MARCHF10: variants seen among roughly 807,000 people sequenced by gnomAD.
The protein encoded by MARCHF10 is membrane associated ring-CH-type finger 10, also known as probable E3 ubiquitin-protein ligase MARCHF10.
Under a neutral mutation model 76.2 loss-of-function variants are expected in MARCHF10, and 64 were observed. That is an observed-to-expected ratio of 0.84 (90% CI 0.69 to 1.03). The LOEUF (loss-of-function observed/expected upper bound fraction) is 1.03. Among genes scored for constraint, MARCHF10 ranks in the 50% least tolerant of loss-of-function variants. The probability of loss-of-function intolerance (pLI) is 0.00; values close to 1 mark genes in which losing one functional copy is unlikely to be tolerated. For missense variants in MARCHF10, 875 were observed against 958.0 expected (o/e 0.91, Z 1.14); for synonymous variants, 340 against 357.5 (o/e 0.95, Z 0.55).
At chr17:62,786,743 G>T (rs2092754691) in intron 3 of MARCHF10, among the ~76,000 whole-genome samples, 1 of 152,172 alleles carries the variant, frequency 6.6e-6, no homozygotes, top group East Asian at 1.9e-4. Flanking sequence ...TCTGACACCA[G>T]CTTGTTCCAT....
chr17:62,736,424 T>C lies in MARCHF10; in HGVS notation c.1444A>G (p.Arg482Gly). The change falls in exon 6 of 11, where the codon AGA (arginine) becomes GGA (glycine). Residue 482 changes from arginine to glycine, a missense_variant. Physicochemically the swap from Arg to Gly is moderately radical, Grantham distance 125 (BLOSUM62 -2). Coordinates refer to ENST00000311269, the MANE Select transcript of MARCHF10 (RefSeq NM_152598.4). ...GACAAGTCTACTGGAATATCATCTCTCAGAGCAGAATGCATGAATGATGCA... is the reference window on the plus strand; with the variant it reads ...GACAAGTCTACTGGAATATCATCTCCCAGAGCAGAATGCATGAATGATGCA... The part of the protein sequence containing the change: ...PPASFMHSAL[R>G]DDIPVDLSMS... 1 of 1,614,166 alleles carries C rather than the reference T, an allele frequency of 6.2e-7. No homozygotes were observed. Among genetic ancestry groups the C allele is most frequent in the South Asian group, 1.1e-5 (1 of 91,078 alleles).
intron 10 of MARCHF10, chr17:62,704,920 T>A (rs2089479967): frequency 1.0e-6 from 1 of 985,148 alleles, no homozygotes; most frequent in African/African-American, 1.7e-5. Flanking sequence ...GCCCGCCTGC[T>A]TTATTAAGCA....
In MARCHF10 at chr17:62,760,017, T is replaced by A. The variant is rs1245392273; in HGVS notation, c.211-11A>T. 5.6e-6 allele frequency: 9 copies of A among 1,611,088 alleles called. No homozygotes were observed. The highest frequency in any genetic ancestry group is 5.1e-6 in the Non-Finnish European group (6 of 1,178,458). On this transcript the variant is annotated splice_polypyrimidine_tract_variant and intron_variant, in intron 3 of 10. Transcript: ENST00000311269. ...CTCCTCACTAGAACTCTACCAAAAA[T>A]GAAATACGTCTGAGTCTCAGTGGCC... is the stretch of plus-strand genomic sequence containing the variant.
intron 4 of MARCHF10, among the ~76,000 whole-genome samples, chr17:62,747,215 A>C (rs1179178054): frequency 6.6e-6 from 1 of 152,250 alleles, no homozygotes; most frequent in Non-Finnish European, 1.5e-5. Flanking sequence ...GAGAAGATGC[A>C]TTCAGCCCAA....
chr17:62,747,490 A>T (rs771728754), intron 4 of MARCHF10, among the ~76,000 whole-genome samples: 7 of 152,194 alleles, frequency 4.6e-5, no homozygotes, highest in Non-Finnish European at 7.3e-5. Context: ...TGTAGGCAGG[A>T]TCCTCTGACC....
At chr17:62,773,839 C>T (rs2092494228) in intron 3 of MARCHF10, among the ~76,000 whole-genome samples, 1 of 152,184 alleles carries the variant, frequency 6.6e-6, no homozygotes, top group Non-Finnish European at 1.5e-5. Context: ...CTGAGGAATT[C>T]CAGAGGCTGT....
At chr17:62,722,740 T>C (rs2090552399) in intron 7 of MARCHF10, 143 bp from the exon 8 acceptor site, 3 of 630,116 alleles carry the variant, frequency 4.8e-6, no homozygotes, top group Non-Finnish European at 7.8e-6. Context: ...CCAGCCATCT[T>C]CTGTAGAAAA....
intron 4 of MARCHF10, among the ~76,000 whole-genome samples, chr17:62,747,558 A>G (rs1276728704): frequency 6.6e-6 from 1 of 152,202 alleles, no homozygotes; most frequent in East Asian, 1.9e-4. Flanking sequence ...TGTTACTGTG[A>G]AGTTTAGCAA....
chr17:62,737,056 A>G lies in MARCHF10; in HGVS notation c.812T>C (p.Phe271Ser). ...AATGGAATAAAAGTCTTCATCTCGGAACCTAAATGATGCCTTTCTTGGCCC... is the reference window on the plus strand; with the variant it reads ...AATGGAATAAAAGTCTTCATCTCGGGACCTAAATGATGCCTTTCTTGGCCC... Reference protein sequence around the residue: ...VGGPRKASFRFRDEDFYSILS... With the variant: ...VGGPRKASFRSRDEDFYSILS... The change falls in exon 6 of 11, where the codon TTC becomes TCC. Residue 271 changes from phenylalanine to serine, a missense_variant. By Grantham distance (155) the Phe-to-Ser change is radical. Coordinates refer to ENST00000311269, the MANE Select transcript of MARCHF10 (RefSeq NM_152598.4). The G allele has an allele frequency of 6.2e-7, 1 of 1,614,036 alleles. No individual in the cohort carries two copies. The highest frequency in any genetic ancestry group is 8.5e-7 in the Non-Finnish European group (1 of 1,180,024).
At chr17:62,789,090 A>AC (rs1292768308) in intron 2 of MARCHF10, among the ~76,000 whole-genome samples, 6 of 150,920 alleles carry the variant, frequency 4.0e-5, no homozygotes, top group Admixed American at 6.6e-5. Context: ...AAAAAAAAAA[A>AC]AAAACGCAGG....
At chr17:62,721,724 A>G (rs995151984) in intron 8 of MARCHF10, among the ~76,000 whole-genome samples, 11 of 152,182 alleles carry the variant, frequency 7.2e-5, no homozygotes, top group African/African-American at 2.7e-4. Context: ...GGTGATAAAG[A>G]TCAGCCAGTA....
chr17:62,733,144 T>C (rs1489531054), intron 6 of MARCHF10, among the ~76,000 whole-genome samples: 1 of 151,954 alleles, frequency 6.6e-6, no homozygotes, highest in Non-Finnish European at 1.5e-5. Context: ...ACAAATACTC[T>C]AAAAGAAAAA....
At chr17:62,703,792 T>C (rs1387177370) in intron 10 of MARCHF10, among the ~76,000 whole-genome samples, 1 of 152,148 alleles carries the variant, frequency 6.6e-6, no homozygotes, top group Non-Finnish European at 1.5e-5. Flanking sequence ...GTGGCGACTC[T>C]TTTCGGAGCA....
chr17:62,746,935 G>A (rs994896982), intron 4 of MARCHF10: 11 of 1,536,004 alleles, frequency 7.2e-6, no homozygotes, highest in African/African-American at 4.1e-5. Context: ...AAGGTCCTCC[G>A]AGGTCTGTTT....
intron 8 of MARCHF10, among the ~76,000 whole-genome samples, chr17:62,719,743 A>G (rs906654486): frequency 2.6e-5 from 4 of 151,816 alleles, no homozygotes; most frequent in Admixed American, 6.6e-5. Flanking sequence ...TATTGCTTCA[A>G]ATATTTCTCT....
At chr17:62,705,209 C>T in intron 10 of MARCHF10, 1 of 1,263,304 alleles carries the variant, frequency 7.9e-7, no homozygotes, top group South Asian at 1.7e-5. Flanking sequence ...AAAACCAACC[C>T]CCAAACTCTC....
At position 62,706,446 on chromosome 17, in the gene MARCHF10, G is replaced by GT. The variant is rs1482326489; in HGVS notation, c.2329-866dup. ...ATCGTTATCTATCTCATCAACTCTT[G>GT]TTCCATCAGGAAACTGCATCTTGGT... is the stretch of plus-strand genomic sequence containing the variant. On this transcript the variant is annotated intron_variant, in intron 9 of 10. Coordinates refer to ENST00000311269, the MANE Select transcript of MARCHF10 (RefSeq NM_152598.4). 7 of 152,332 alleles carry GT rather than the reference G, an allele frequency of 4.6e-5. No individual in the cohort carries two copies. In the East Asian group the frequency reaches 1.3e-3, roughly 29 times the overall value. 9.4% of individuals were successfully genotyped at this position (152,332 alleles called of 1,614,324 possible).
chr17:62,757,024 T>C (rs1353322045), intron 4 of MARCHF10, among the ~76,000 whole-genome samples: 2 of 152,222 alleles, frequency 1.3e-5, no homozygotes, highest in Non-Finnish European at 2.9e-5. Flanking sequence ...AATAGTTGTT[T>C]TGGAGGTTCT....
At chr17:62,764,910 T>C (rs2092292367) in intron 3 of MARCHF10, among the ~76,000 whole-genome samples, 1 of 152,226 alleles carries the variant, frequency 6.6e-6, no homozygotes, top group African/African-American at 2.4e-5. Context: ...GTAGGCTTTT[T>C]GGTCTTTCTG....
Sources: gnomAD v4.1 joint callset for allele counts (sites outside exome capture counted in the v4.1 genomes callset) on GRCh38, gnomAD v4.1.1 for gene constraint, MANE v1.5 for transcripts, NCBI Gene and HGNC (gene_info 2026-07-23, HGNC 2026-07-21) for gene names.